ABLIM2: variants seen among roughly 807,000 people sequenced by gnomAD.
ABLIM2 encodes the protein actin binding LIM protein family member 2, also known as actin-binding LIM protein 2.
A neutral mutation model predicts 97.7 loss-of-function variants in ABLIM2; 53 were observed. The ratio of observed to expected loss-of-function variants is 0.54; its 90% CI spans 0.44 to 0.68. The LOEUF is 0.68. Among genes scored for constraint, ABLIM2 ranks in the 30% least tolerant of loss-of-function variants. ABLIM2 has a pLI of 0.00. For missense variants in ABLIM2, 835 were observed against 867.2 expected, an observed-to-expected ratio of 0.96 and a Z score of 0.47; for synonymous variants, 361 against 345.8, an observed-to-expected ratio of 1.04 and a Z score of -0.49.
intron 3 of ABLIM2, among the ~76,000 whole-genome samples, chr4:8,096,241 C>T (rs1831515651): frequency 1.3e-5 from 2 of 152,226 alleles, no homozygotes; most frequent in Non-Finnish European, 2.9e-5. Context: ...TGTCCAGTTT[C>T]CTAGTTGTTG....
chr4:8,012,721 T>C (rs1161689823), intron 14 of ABLIM2, among the ~76,000 whole-genome samples: 1 of 150,984 alleles, frequency 6.6e-6, no homozygotes, highest in African/African-American at 2.4e-5. Flanking sequence ...CTTCCACTTA[T>C]CTACTCACTC....
intron 14 of ABLIM2, among the ~76,000 whole-genome samples, chr4:8,009,551 A>T (rs1333186570): frequency 2.0e-5 from 3 of 152,070 alleles, no homozygotes; most frequent in African/African-American, 7.2e-5. Context: ...GTGCATCACC[A>T]TGCCTGGGTA....
intron 20 of ABLIM2, among the ~76,000 whole-genome samples, chr4:7,975,022 C>T (rs1344055526): frequency 6.6e-6 from 1 of 152,008 alleles, no homozygotes. Context: ...AATTTGAGAC[C>T]AGCCAGGGCA....
In ABLIM2 at chr4:8,051,323, C is replaced by A. The variant is rs1579852652; in HGVS notation, c.822+2865G>T. On this transcript the variant is annotated intron_variant, in intron 8 of 20. Coordinates refer to ENST00000447017, the MANE Select transcript of ABLIM2 (RefSeq NM_001130083.2). ...CAGCACTTTGGGAGGCCGAGGCGGGCGGATCCCGAGGTCAAGAGATTGAGA... is the reference window on the plus strand; with the variant it reads ...CAGCACTTTGGGAGGCCGAGGCGGGAGGATCCCGAGGTCAAGAGATTGAGA... 2.0e-5 allele frequency among the ~76,000 whole-genome samples: 3 copies of A among 151,922 alleles called. No individual in the cohort carries two copies. In the South Asian group the frequency reaches 6.2e-4, roughly 32 times the overall value.
At chr4:8,030,343 T>C (rs933278090) in intron 10 of ABLIM2, among the ~76,000 whole-genome samples, 8 of 152,100 alleles carry the variant, frequency 5.3e-5, no homozygotes, top group African/African-American at 1.9e-4. Context: ...GCAGGTGGTG[T>C]GGGGTGGCGT....
intron 14 of ABLIM2, among the ~76,000 whole-genome samples, chr4:8,017,979 G>A (rs542460171): frequency 2.0e-5 from 3 of 148,852 alleles, no homozygotes; most frequent in South Asian, 2.1e-4. Context: ...GTGACAGAGC[G>A]AGACTCCGTC....
intron 1 of ABLIM2, among the ~76,000 whole-genome samples, chr4:8,151,586 G>A (rs1048115805): frequency 1.3e-5 from 2 of 152,154 alleles, no homozygotes; most frequent in African/African-American, 4.8e-5. Context: ...GGCGCAGCAG[G>A]GTCCCTAAAA....
At chr4:8,010,026 AG>A (rs1311874041) in intron 14 of ABLIM2, among the ~76,000 whole-genome samples, 2 of 152,224 alleles carry the variant, frequency 1.3e-5, no homozygotes, top group African/African-American at 4.8e-5. Flanking sequence ...TGCTACTGGA[AG>A]ACATCCACGA....
intron 18 of ABLIM2, among the ~76,000 whole-genome samples, chr4:7,984,475 C>A (rs901270211): frequency 6.6e-6 from 1 of 152,256 alleles, no homozygotes; most frequent in South Asian, 2.1e-4. Flanking sequence ...GGCGTGCCGG[C>A]AGCCACACGG....
chr4:8,043,818 A>G lies in ABLIM2; in HGVS notation c.900+1346T>C, dbSNP rs756112508. On this transcript the variant is annotated intron_variant, in intron 9 of 20. Coordinates refer to ENST00000447017, the MANE Select transcript of ABLIM2 (RefSeq NM_001130083.2). This position sits in a 1 kb window ranked among gnomAD's most constrained non-coding sequence, Gnocchi z 4.8. ...CTGGGCAGGCGCTGTGCTCACTGCC[A>G]CCCAGGCAGCGCCTCAGTGAGCCCT... Among the ~76,000 whole-genome samples the G allele has an allele frequency of 8.5e-5, 13 of 152,198 alleles. No individual in the cohort carries two copies. The highest frequency in any genetic ancestry group is 1.2e-4 in the Non-Finnish European group (8 of 68,024).
Position 8,004,116 on chromosome 4 carries a change from C to T in ABLIM2, c.1618+3943G>A, listed in dbSNP as rs1486822006. ...TGCCCTGGTCCCCACCCACCACCTT[C>T]CCTTCCACAGAAAAGCTGCAGCAGG... On this transcript the variant is annotated intron_variant, in intron 16 of 20. Coordinates refer to ENST00000447017, the MANE Select transcript of ABLIM2 (RefSeq NM_001130083.2). The surrounding 1 kb of genome is among the most constrained non-coding windows in gnomAD (Gnocchi z 5.9). Among the ~76,000 whole-genome samples, 1 of 130,824 alleles carries T rather than the reference C, an allele frequency of 7.6e-6. No homozygotes were observed. Among genetic ancestry groups the T allele is most frequent in the African/African-American group, 3.3e-5 (1 of 30,594 alleles). 85.8% of individuals were successfully genotyped at this position (130,824 alleles called of 152,430 possible).
At chr4:8,041,749 A>G (rs1788745326) in intron 9 of ABLIM2, among the ~76,000 whole-genome samples, 1 of 152,076 alleles carries the variant, frequency 6.6e-6, no homozygotes, top group Non-Finnish European at 1.5e-5. Flanking sequence ...AAAAATACAA[A>G]AAAAATTAGC....
chr4:8,008,389 A>C (rs1226710795), intron 15 of ABLIM2, among the ~76,000 whole-genome samples, 189 bp from the exon 16 acceptor site: 2 of 152,206 alleles, frequency 1.3e-5, no homozygotes, highest in East Asian at 3.9e-4. Context: ...TCCAGACGCT[A>C]TACAGGTACA....
intron 20 of ABLIM2, among the ~76,000 whole-genome samples, chr4:7,976,139 C>G (rs1560349960): frequency 6.6e-6 from 1 of 152,164 alleles, no homozygotes. Flanking sequence ...AATTTTTCCT[C>G]TTTTGTGAAA....
intron 10 of ABLIM2, among the ~76,000 whole-genome samples, chr4:8,035,431 T>A (rs1247519688): frequency 6.6e-6 from 1 of 152,178 alleles, no homozygotes; most frequent in Non-Finnish European, 1.5e-5. Flanking sequence ...TTGAAAGGAC[T>A]GAGCTTCCCC....
chr4:8,006,880 G>C (rs568486370), intron 16 of ABLIM2: 149 of 374,612 alleles, frequency 4.0e-4, no homozygotes, highest in Middle Eastern at 1.3e-3. Context: ...TTTTTGCAGG[G>C]GGGGGGTGGC....
intron 2 of ABLIM2, among the ~76,000 whole-genome samples, chr4:8,106,064 G>A (rs1837244003): frequency 6.6e-6 from 1 of 152,188 alleles, no homozygotes; most frequent in Non-Finnish European, 1.5e-5. Flanking sequence ...GGTAGTGTTC[G>A]CAGTGCTACT....
chr4:8,138,743 CA>C (rs1850527058), intron 1 of ABLIM2, among the ~76,000 whole-genome samples: 1 of 152,054 alleles, frequency 6.6e-6, no homozygotes, highest in East Asian at 1.9e-4. Flanking sequence ...ACGTAAAACC[CA>C]AAACAATAAA....
At chr4:8,117,850 G>C (rs925006054) in intron 1 of ABLIM2, among the ~76,000 whole-genome samples, 2 of 152,222 alleles carry the variant, frequency 1.3e-5, no homozygotes, top group African/African-American at 2.4e-5. Context: ...GCAGCGTCCT[G>C]TTGGCCCAGC....
Sources: allele counts gnomAD v4.1 joint callset (sites outside exome capture counted in the v4.1 genomes callset), GRCh38; gene constraint gnomAD v4.1.1; non-coding constraint Gnocchi (gnomAD v3.1); transcripts MANE v1.5; gene names NCBI Gene and HGNC (gene_info 2026-07-23, HGNC 2026-07-21).